The following SPAG1 variants were observed in gnomAD, a reference collection of about 807,000 sequenced individuals.
SPAG1 encodes sperm associated antigen 1.
Under a neutral mutation model 100.5 loss-of-function variants are expected in SPAG1, and 69 were observed. The observed-to-expected ratio is 0.69, with a 90% CI of 0.57 to 0.84. SPAG1 has a LOEUF of 0.84. Among genes scored for constraint, SPAG1 ranks in the 40% least tolerant of loss-of-function variants. The pLI, the probability that SPAG1 is intolerant of heterozygous loss-of-function variation, is 0.00. For synonymous variants in SPAG1, 336 were observed against 411.6 expected (o/e 0.82, Z 2.22); for missense variants, 955 against 1,133.1 (o/e 0.84, Z 2.26).
At chr8:100,168,982 C>T (rs1373856226) in intron 3 of SPAG1, among the ~76,000 whole-genome samples, 5 of 151,868 alleles carry the variant, frequency 3.3e-5, no homozygotes, top group African/African-American at 9.7e-5. Flanking sequence ...CCACCACGCC[C>T]GGCCTCTTTT....
chr8:100,193,180 C>G (rs910606528), intron 9 of SPAG1, among the ~76,000 whole-genome samples: 1 of 152,166 alleles, frequency 6.6e-6, no homozygotes, highest in African/African-American at 2.4e-5. Context: ...CAAGCCACAG[C>G]TGGGCACGGT....
chr8:100,230,917 G>A (rs1008969976), intron 14 of SPAG1, among the ~76,000 whole-genome samples: 9 of 151,946 alleles, frequency 5.9e-5, no homozygotes, highest in Non-Finnish European at 1.0e-4. Flanking sequence ...CACTGCACCC[G>A]GCACTTGTAT....
intron 10 of SPAG1, among the ~76,000 whole-genome samples, chr8:100,195,805 C>T (rs1450921591): frequency 6.6e-6 from 1 of 152,024 alleles, no homozygotes; most frequent in Non-Finnish European, 1.5e-5. Flanking sequence ...ATATACAGTT[C>T]TAATACATGT....
intron 10 of SPAG1, among the ~76,000 whole-genome samples, chr8:100,204,317 G>C (rs1244966591): frequency 6.6e-6 from 1 of 152,170 alleles, no homozygotes; most frequent in Non-Finnish European, 1.5e-5. Context: ...TGACCCATAA[G>C]GAGGTGCGCT....
intron 8 of SPAG1, 66 bp from the exon 9 acceptor site, chr8:100,191,324 C>T (rs1816805105): frequency 1.8e-6 from 2 of 1,112,630 alleles, no homozygotes; most frequent in African/African-American, 3.1e-5. Flanking sequence ...CTTCCACTTG[C>T]CAAATATGTT....
intron 13 of SPAG1, among the ~76,000 whole-genome samples, chr8:100,223,728 A>T (rs1236047476): frequency 6.6e-6 from 1 of 151,722 alleles, no homozygotes; most frequent in Non-Finnish European, 1.5e-5. Context: ...ATCTCTTTTC[A>T]GCTGCTTCTT....
chr8:100,229,425 AAAAACAAAAC>A (rs1206867553), intron 14 of SPAG1, among the ~76,000 whole-genome samples: 3 of 151,908 alleles, frequency 2.0e-5, no homozygotes, highest in South Asian at 2.1e-4. Flanking sequence ...CTCCGTCTCA[AAAAACAAAAC>A]AAAACAAAAC....
intron 3 of SPAG1, among the ~76,000 whole-genome samples, chr8:100,168,072 C>T (rs549904510): frequency 4.6e-5 from 7 of 152,294 alleles, no homozygotes; most frequent in Admixed American, 3.3e-4. Flanking sequence ...TGATAAGACC[C>T]GCAGTGGATG....
Position 100,187,110 on chromosome 8 carries a change from T to G in SPAG1, c.702-10T>G. 6.3e-7 allele frequency: 1 copy of G among 1,597,968 alleles called. No homozygotes were observed. Among genetic ancestry groups the G allele is most frequent in the South Asian group, 1.1e-5 (1 of 87,734 alleles). On this transcript the variant is annotated splice_polypyrimidine_tract_variant and intron_variant, in intron 7 of 18. Transcript: ENST00000388798. ...GGCTTGCTTGTTGCCAGTAACTGTT[T>G]CTTTTCTAGGAGCATATCAGCGCTT...
intron 13 of SPAG1, among the ~76,000 whole-genome samples, chr8:100,223,819 G>A (rs541853603): frequency 1.3e-5 from 2 of 151,432 alleles, no homozygotes; most frequent in African/African-American, 4.9e-5. Context: ...ATTCTGGGTG[G>A]TTATACATTA....
At chr8:100,225,136 C>G in intron 13 of SPAG1, 37 bp from the exon 14 acceptor site, 1 of 1,563,236 alleles carries the variant, frequency 6.4e-7, no homozygotes, top group Non-Finnish European at 8.8e-7. Context: ...AAAAAGCAAA[C>G]TAAATGATCA....
chr8:100,160,563 G>T (rs930407652), intron 1 of SPAG1, among the ~76,000 whole-genome samples: 1 of 150,976 alleles, frequency 6.6e-6, no homozygotes, highest in Non-Finnish European at 1.5e-5. Flanking sequence ...GGAGGAGGAG[G>T]TGGCAGTAAG....
At position 100,239,579 on chromosome 8, in the gene SPAG1, G is replaced by T. The variant is rs183558597; in HGVS notation, c.2280+175G>T. 3.3e-5 allele frequency among the ~76,000 whole-genome samples: 5 copies of T among 152,316 alleles called. No homozygotes were observed. In the East Asian group the frequency reaches 9.6e-4, roughly 29 times the overall value. On this transcript the variant is annotated intron_variant, in intron 17 of 18. Coordinates refer to ENST00000388798, the MANE Select transcript of SPAG1 (RefSeq NM_003114.5). This position sits in a 1 kb window ranked among gnomAD's most constrained non-coding sequence, Gnocchi z 5.0. Reference sequence around the variant, plus strand: ...TCCTTTGCAATGATAATTAGCCATTGTATTTCCCAACGTGGGTCCATGGAT... The same window carrying T: ...TCCTTTGCAATGATAATTAGCCATTTTATTTCCCAACGTGGGTCCATGGAT...
intron 9 of SPAG1, among the ~76,000 whole-genome samples, chr8:100,192,566 C>T (rs775385492): frequency 2.6e-5 from 4 of 152,232 alleles, no homozygotes; most frequent in African/African-American, 9.6e-5. Flanking sequence ...ATAAGAGAAA[C>T]CCATGGAAAA....
chr8:100,193,772 C>A (rs1039827813), intron 9 of SPAG1, among the ~76,000 whole-genome samples: 4 of 151,764 alleles, frequency 2.6e-5, no homozygotes, highest in Non-Finnish European at 5.9e-5. Flanking sequence ...AAACAAACAG[C>A]GTATGTAGCA....
rs754908615 is a variant in SPAG1, at chr8:100,240,437, C to T, written c.2315C>T (p.Ala772Val). ...NEGKEEPGRP[A>V]GEVSMGCLAS... ...GGCAAGGAGGAGCCTGGAAGACCTGCAGGGGAGGTCTCCATGGGATGCCTT... is the reference window on the plus strand; with the variant it reads ...GGCAAGGAGGAGCCTGGAAGACCTGTAGGGGAGGTCTCCATGGGATGCCTT... The change falls in exon 18 of 19, where the codon GCA (alanine) becomes GTA (valine). Residue 772 changes from alanine (A) to valine (V), a missense_variant. Ala to Val is a moderately conservative substitution (Grantham distance 64). Transcript: ENST00000388798. The T allele has an allele frequency of 3.1e-6, 5 of 1,610,864 alleles. No homozygotes were observed. In the African/African-American group the frequency reaches 4.0e-5, roughly 13 times the overall value.
chr8:100,192,547 T>C lies in SPAG1; in HGVS notation c.939+1051T>C, dbSNP rs1416016492. On this transcript the variant is annotated intron_variant, in intron 9 of 18. Coordinates refer to ENST00000388798, the MANE Select transcript of SPAG1 (RefSeq NM_003114.5). ...TGGTTTAGTGCCTCTGCTGGCAGTA[T>C]AGTCAGAAATAAGAGAAACCCATGG... Among the ~76,000 whole-genome samples, 3 of 152,208 alleles carry C rather than the reference T, an allele frequency of 2.0e-5. No homozygotes were observed. In the South Asian group the frequency reaches 6.2e-4, roughly 31 times the overall value.
intron 8 of SPAG1, among the ~76,000 whole-genome samples, chr8:100,188,053 C>T (rs572814685): frequency 5.3e-4 from 81 of 152,240 alleles, no homozygotes; most frequent in African/African-American, 1.9e-3. Flanking sequence ...CGGGGTTTCA[C>T]CATGTTGGCC....
chr8:100,165,085 CAG>C (rs1815488679), intron 2 of SPAG1: 1 of 333,630 alleles, frequency 3.0e-6, no homozygotes, highest in Non-Finnish European at 5.8e-6. Context: ...AGACAACAAA[CAG>C]GGACAGATGA....
Sources: gnomAD v4.1 joint callset for allele counts (sites outside exome capture counted in the v4.1 genomes callset) on GRCh38, gnomAD v4.1.1 for gene constraint, Gnocchi (gnomAD v3.1) non-coding constraint, MANE v1.5 for transcripts, NCBI Gene and HGNC (gene_info 2026-07-23, HGNC 2026-07-21) for gene names.